STK39: variants seen among roughly 807,000 people sequenced by gnomAD.
The protein encoded by STK39 is STE20/SPS1-related proline-alanine-rich protein kinase.
Under a neutral mutation model 77.8 loss-of-function variants are expected in STK39, and 20 were observed. That is an observed-to-expected ratio of 0.26 (90% confidence interval 0.18 to 0.37). The LOEUF (loss-of-function observed/expected upper bound fraction) is 0.37. Among genes scored for constraint, STK39 ranks in the 10% least tolerant of loss-of-function variants. The probability of loss-of-function intolerance (pLI) is 1.00; values close to 1 mark genes in which losing one functional copy is unlikely to be tolerated. For missense variants in STK39, 479 were observed against 656.5 expected (o/e 0.73, Z 2.95); for synonymous variants, 246 against 234.1 (o/e 1.05, Z -0.47).
chr2:168,195,650 A>G (rs1270634949), intron 1 of STK39, among the ~76,000 whole-genome samples: 2 of 152,240 alleles, frequency 1.3e-5, no homozygotes, highest in Non-Finnish European at 2.9e-5. Flanking sequence ...GCACTTTGTT[A>G]CATGCCAAAG....
intron 12 of STK39, among the ~76,000 whole-genome samples, chr2:168,068,575 G>C (rs1685856619): frequency 6.6e-6 from 1 of 152,186 alleles, no homozygotes; most frequent in East Asian, 1.9e-4. Flanking sequence ...GGGGGAGATT[G>C]CATGAGGAAT....
At chr2:168,201,749 C>A (rs893313409) in intron 1 of STK39, among the ~76,000 whole-genome samples, 2 of 152,106 alleles carry the variant, frequency 1.3e-5, no homozygotes, top group African/African-American at 4.8e-5. Flanking sequence ...ATCAAAACCA[C>A]CCCCCTTCTA....
intron 10 of STK39, among the ~76,000 whole-genome samples, chr2:168,096,537 C>T (rs978789709): frequency 6.6e-6 from 1 of 152,216 alleles, no homozygotes; most frequent in African/African-American, 2.4e-5. Flanking sequence ...ACCCAGGTGT[C>T]TCCTCAGCTT....
intron 5 of STK39, among the ~76,000 whole-genome samples, chr2:168,148,529 A>G (rs1341140760): frequency 6.6e-6 from 1 of 152,174 alleles, no homozygotes; most frequent in Admixed American, 6.5e-5. Context: ...GCTCAGAGCA[A>G]GAAGAAGAGC....
intron 14 of STK39, among the ~76,000 whole-genome samples, chr2:168,019,756 T>C (rs1352541298): frequency 6.6e-6 from 1 of 152,212 alleles, no homozygotes; most frequent in African/African-American, 2.4e-5. Context: ...CAGGCTGGAA[T>C]GCAGTGGCAA....
chr2:168,164,195 TC>T (rs1289968411), intron 3 of STK39, among the ~76,000 whole-genome samples: 1 of 151,842 alleles, frequency 6.6e-6, no homozygotes, highest in African/African-American at 2.4e-5. Flanking sequence ...AGAGCAACCC[TC>T]CAAAGAGGGT....
intron 10 of STK39, among the ~76,000 whole-genome samples, chr2:168,077,179 T>A (rs561522966): frequency 6.6e-6 from 1 of 152,292 alleles, no homozygotes; most frequent in East Asian, 1.9e-4. Flanking sequence ...ACTAAAATTG[T>A]AGAACCCAAG....
At chr2:168,057,875 C>A (rs1421482260) in intron 14 of STK39, among the ~76,000 whole-genome samples, 1 of 152,134 alleles carries the variant, frequency 6.6e-6, no homozygotes, top group African/African-American at 2.4e-5. Flanking sequence ...CAAGAGATGA[C>A]CTCTCCTTTC....
intron 8 of STK39, among the ~76,000 whole-genome samples, chr2:168,132,839 A>G (rs2105513256): frequency 6.6e-6 from 1 of 152,248 alleles, no homozygotes; most frequent in East Asian, 1.9e-4. Flanking sequence ...TATGTTTCCA[A>G]TACCTAGCAC....
chr2:168,064,019 T>C (rs1010197929), intron 13 of STK39, among the ~76,000 whole-genome samples: 2 of 152,198 alleles, frequency 1.3e-5, no homozygotes, highest in South Asian at 2.1e-4. Context: ...TTCTTGAATA[T>C]TGATTATTAA....
chr2:168,045,076 C>A lies in STK39; in HGVS notation c.1376+18424G>T, dbSNP rs140089616. ...AACAAAAAACAAACAAACAAAAAAA[C>A]CAAAAAAAACCCAACATTGTTCATT... On this transcript the variant is annotated intron_variant, in intron 14 of 17. Transcript: ENST00000355999. Among the ~76,000 whole-genome samples the A allele has an allele frequency of 6.9e-3, 1,045 of 151,690 alleles. 23 individuals carry two copies. The highest frequency in any genetic ancestry group is 0.024 in the African/African-American group (988 of 41,342).
At chr2:168,054,836 C>G (rs1685483361) in intron 14 of STK39, among the ~76,000 whole-genome samples, 1 of 151,970 alleles carries the variant, frequency 6.6e-6, no homozygotes, top group Non-Finnish European at 1.5e-5. Flanking sequence ...TGGGAACAAG[C>G]ACACCAAAGA....
rs1559129736 is a variant in STK39, at chr2:168,167,419, G to GA, written c.322-13_322-12insT. On this transcript the variant is annotated splice_polypyrimidine_tract_variant and intron_variant, in intron 2 of 17. Transcript: ENST00000355999. The stretch of plus-strand genomic sequence containing the variant: ...GCTTGAATTTCTTTCTATAAAAAGA[G>GA]CAAAACATGACATAGTACCATGGGG... 3 of 1,610,960 alleles carry GA rather than the reference G, an allele frequency of 1.9e-6. No individual in the cohort carries two copies. Among genetic ancestry groups the GA allele is most frequent in the Non-Finnish European group, 2.5e-6 (3 of 1,177,440 alleles).
chr2:168,225,653 TA>T (rs1461271253), intron 1 of STK39, among the ~76,000 whole-genome samples: 2 of 152,202 alleles, frequency 1.3e-5, no homozygotes, highest in Non-Finnish European at 2.9e-5. Context: ...CTCAAAACAA[TA>T]AACTGCTCTT....
At chr2:168,090,119 T>G (rs1041077278) in intron 10 of STK39, among the ~76,000 whole-genome samples, 3 of 152,224 alleles carry the variant, frequency 2.0e-5, no homozygotes, top group African/African-American at 7.2e-5. Context: ...CTGTTGTTTT[T>G]GTTAAGGTGG....
At chr2:168,153,306 C>G (rs889546864) in intron 5 of STK39, among the ~76,000 whole-genome samples, 4 of 152,154 alleles carry the variant, frequency 2.6e-5, no homozygotes, top group African/African-American at 9.7e-5. Flanking sequence ...CCTGCTCTCA[C>G]GGAGCTGACT....
At chr2:168,211,563 A>G (rs1689892049) in intron 1 of STK39, among the ~76,000 whole-genome samples, 1 of 152,234 alleles carries the variant, frequency 6.6e-6, no homozygotes, top group East Asian at 1.9e-4. Flanking sequence ...GATGATAGGA[A>G]GTATTCCTGC....
chr2:168,019,003 G>A (rs1684503827), intron 14 of STK39, among the ~76,000 whole-genome samples: 1 of 152,026 alleles, frequency 6.6e-6, no homozygotes, highest in African/African-American at 2.4e-5. Context: ...CTCAAGACAT[G>A]TCCAAGCCCA....
At chr2:168,172,701 T>TTCAAA (rs1688859041) in intron 2 of STK39, among the ~76,000 whole-genome samples, 4 of 152,218 alleles carry the variant, frequency 2.6e-5, no homozygotes, top group Admixed American at 2.0e-4. Flanking sequence ...GAATTCAAAA[T>TTCAAA]ATTAAACTAT....
Sources: gnomAD v4.1 joint callset for allele counts (sites outside exome capture counted in the v4.1 genomes callset) on GRCh38, gnomAD v4.1.1 for gene constraint, MANE v1.5 for transcripts, NCBI Gene and HGNC (gene_info 2026-07-23, HGNC 2026-07-21) for gene names.